OR1J2: variants seen among roughly 807,000 people sequenced by gnomAD.
OR1J2 encodes olfactory receptor family 1 subfamily J member 2.
For missense variants in OR1J2, 304 were observed against 246.1 expected (o/e 1.24, Z -1.57); for synonymous variants, 142 against 99.7 (o/e 1.42, Z -2.52).
At chr9:122,544,075 T>A in the OR1J2 span, among the ~76,000 whole-genome samples, 1 of 152,214 alleles carries the variant, frequency 6.6e-6, no homozygotes, top group African/African-American at 2.4e-5. Context: ...TTAAATGGAA[T>A]CTTTCTACAA....
At chr9:122,507,261 T>C (rs1332217242), upstream of OR1J2, among the ~76,000 whole-genome samples, 1 of 152,058 alleles carries the variant, frequency 6.6e-6, no homozygotes, top group Non-Finnish European at 1.5e-5. Flanking sequence ...CACCTGAAGA[T>C]GAAAAGAAGA....
chr9:122,462,250 G>C, the OR1J2 span, among the ~76,000 whole-genome samples: 1 of 151,962 alleles, frequency 6.6e-6, no homozygotes, highest in Non-Finnish European at 1.5e-5. Context: ...GCTTGCTTTT[G>C]GTGTCCATTT....
the OR1J2 span, among the ~76,000 whole-genome samples, chr9:122,483,734 G>T: frequency 1.3e-5 from 2 of 152,310 alleles, no homozygotes; most frequent in South Asian, 2.1e-4. Flanking sequence ...GTGACAACAT[G>T]TCGATGTTTG....
chr9:122,554,644 C>T, the OR1J2 span, among the ~76,000 whole-genome samples: 24 of 152,266 alleles, frequency 1.6e-4, no homozygotes, highest in African/African-American at 5.8e-4. Flanking sequence ...CAATTTATGC[C>T]TATCGACTCC....
chr9:122,547,993 C>T, the OR1J2 span, among the ~76,000 whole-genome samples: 1 of 152,108 alleles, frequency 6.6e-6, no homozygotes, highest in Admixed American at 6.6e-5. Flanking sequence ...CTGACCGGTG[C>T]AAGATGATAT....
At chr9:122,515,352 T>TTG (rs10651846), downstream of OR1J2, among the ~76,000 whole-genome samples, 6,665 of 135,740 alleles carry the variant, frequency 0.049, 193 homozygotes, top group Admixed American at 0.072. Flanking sequence ...CAGGAGCAGG[T>TTG]TGTGTGTGTG....
At chr9:122,504,468 T>C in the OR1J2 span, among the ~76,000 whole-genome samples, 1 of 152,158 alleles carries the variant, frequency 6.6e-6, no homozygotes, top group South Asian at 2.1e-4. Flanking sequence ...ATTTGATAAA[T>C]TGGTCAGAGG....
chr9:122,473,107 T>A, the OR1J2 span, among the ~76,000 whole-genome samples: 1 of 152,194 alleles, frequency 6.6e-6, no homozygotes, highest in African/African-American at 2.4e-5. Flanking sequence ...TGTCCACATT[T>A]CCCAGTCTGT....
the OR1J2 span, among the ~76,000 whole-genome samples, chr9:122,504,211 T>C: frequency 6.6e-6 from 1 of 152,216 alleles, no homozygotes; most frequent in African/African-American, 2.4e-5. Context: ...GGTTAGGCAC[T>C]CTGCTCTGCT....
chr9:122,520,676 A>G, the OR1J2 span, among the ~76,000 whole-genome samples: 2 of 152,356 alleles, frequency 1.3e-5, no homozygotes, highest in African/African-American at 4.8e-5. Flanking sequence ...GTGAGCTTCA[A>G]TCACGCCGCA....
At chr9:122,567,161 C>T in the OR1J2 span, 1 of 157,836 alleles carries the variant, frequency 6.3e-6, no homozygotes, top group Non-Finnish European at 1.4e-5. Flanking sequence ...TTTGCAAAAA[C>T]ATTCAATGGC....
chr9:122,491,864 A>G, the OR1J2 span, among the ~76,000 whole-genome samples: 1 of 152,152 alleles, frequency 6.6e-6, no homozygotes, highest in Non-Finnish European at 1.5e-5. Context: ...TGAAGAGGTA[A>G]GAGTGAAGGC....
chr9:122,489,058 T>C, the OR1J2 span, among the ~76,000 whole-genome samples: 10 of 142,484 alleles, frequency 7.0e-5, no homozygotes, highest in African/African-American at 2.3e-4. Context: ...TCTGTGTCCA[T>C]GGGAAAACAC....
the OR1J2 span, among the ~76,000 whole-genome samples, chr9:122,555,198 G>A: frequency 2.0e-5 from 3 of 152,162 alleles, no homozygotes; most frequent in East Asian, 5.8e-4. Flanking sequence ...CTGAGATCAA[G>A]TTCATCCGGG....
At chr9:122,454,100 C>T in the OR1J2 span, among the ~76,000 whole-genome samples, 3 of 152,190 alleles carry the variant, frequency 2.0e-5, no homozygotes, top group South Asian at 2.1e-4. Context: ...CATGTGGCTT[C>T]GGTCCAATCC....
At chr9:122,568,089 G>T in the OR1J2 span, 1 of 1,614,052 alleles carries the variant, frequency 6.2e-7, no homozygotes, top group Non-Finnish European at 8.5e-7. Context: ...ATAGTGGAAA[G>T]GGTCACAGAC....
chr9:122,579,749 T>C, the OR1J2 span, among the ~76,000 whole-genome samples: 1 of 152,162 alleles, frequency 6.6e-6, no homozygotes, highest in Admixed American at 6.5e-5. Flanking sequence ...TCAAGATTTG[T>C]GTAGGGAAGA....
chr9:122,533,159 T>A, the OR1J2 span, among the ~76,000 whole-genome samples: 4 of 151,938 alleles, frequency 2.6e-5, no homozygotes, highest in Non-Finnish European at 4.4e-5. Context: ...GAGGGAGGTA[T>A]TGAGGATAGG....
the OR1J2 span, among the ~76,000 whole-genome samples, chr9:122,505,147 T>C: frequency 6.6e-6 from 1 of 152,152 alleles, no homozygotes; most frequent in Non-Finnish European, 1.5e-5. Flanking sequence ...GCATATAAGC[T>C]CTCTCAGTCT....
Sources: allele counts gnomAD v4.1 joint callset (sites outside exome capture counted in the v4.1 genomes callset), GRCh38; gene constraint gnomAD v4.1.1; transcripts MANE v1.5; gene names NCBI Gene and HGNC (gene_info 2026-07-23, HGNC 2026-07-21).